PRRC2C: variants seen among roughly 807,000 people sequenced by gnomAD.
PRRC2C encodes the protein proline rich coiled-coil 2C.
Under a neutral mutation model 317.2 loss-of-function variants are expected in PRRC2C, and 72 were observed. That is an observed-to-expected ratio of 0.23 (90% confidence interval 0.19 to 0.28). The LOEUF is 0.28. Ranked by LOEUF, PRRC2C falls within the 10% of genes least tolerant of loss-of-function variation. PRRC2C has a pLI of 1.00. For synonymous variants in PRRC2C, 1,296 were observed against 1,205.9 expected (o/e 1.07, Z -1.55); for missense variants, 3,074 against 3,459.7 (o/e 0.89, Z 2.80).
chr1:171,495,709 G>A (rs1172815659), intron 1 of PRRC2C, among the ~76,000 whole-genome samples: 1 of 152,202 alleles, frequency 6.6e-6, no homozygotes, highest in Non-Finnish European at 1.5e-5. Context: ...AACTAGGAGT[G>A]TGGTGAATAT....
intron 6 of PRRC2C, among the ~76,000 whole-genome samples, chr1:171,520,797 C>CTTT (rs61220175): frequency 0.021 from 2,306 of 109,252 alleles, 45 homozygotes; most frequent in South Asian, 0.028. Flanking sequence ...ATTTCTTCTC[C>CTTT]TTTTTTTTTT....
chr1:171,541,434 C>G lies in PRRC2C; in HGVS notation c.3968C>G (p.Pro1323Arg). The stretch of plus-strand genomic sequence containing the variant: ...ATAGATAATAGACTGCTAGAAAAGC[C>G]TTATGTAAGGGATGACGATAAAGCT... ...VRIDNRLLEK[P>R]YVRDDDKAKP... The change falls in exon 16 of 35, where the codon CCT becomes CGT. Residue 1323 changes from proline (P) to arginine (R), a missense_variant. Pro to Arg is a moderately radical substitution (Grantham distance 103). Coordinates refer to ENST00000647382, the MANE Select transcript of PRRC2C (RefSeq NM_001387844.1). This position sits in a 1 kb window ranked among gnomAD's most constrained non-coding sequence, Gnocchi z 4.1. 1 of 1,613,910 alleles carries G rather than the reference C, an allele frequency of 6.2e-7. No individual in the cohort carries two copies. The highest frequency in any genetic ancestry group is 8.5e-7 in the Non-Finnish European group (1 of 1,179,846).
chr1:171,560,787 T>G (rs1293730021), intron 19 of PRRC2C, among the ~76,000 whole-genome samples: 1 of 152,208 alleles, frequency 6.6e-6, no homozygotes, highest in Admixed American at 6.5e-5. Flanking sequence ...GTGATTTGCT[T>G]TATTGCAATA....
chr1:171,563,864 A>G (rs887324135), intron 20 of PRRC2C, among the ~76,000 whole-genome samples: 2 of 152,214 alleles, frequency 1.3e-5, no homozygotes, highest in Non-Finnish European at 2.9e-5. Flanking sequence ...TGCTGGTATG[A>G]AGGAAAGAGT....
chr1:171,591,882 G>GAGCCCCCCCC lies in PRRC2C; in HGVS notation c.*35_*36insAGCCCCCCCC. Reference sequence around the variant, plus strand: ...TTTATTGCAGGGGATTGGGAGGGGGGCGGGAAAACATGGAGAATTAAGTCA... The same window carrying GAGCCCCCCCC: ...TTTATTGCAGGGGATTGGGAGGGGGGAGCCCCCCCCCGGGAAAACATGGAGAATTAAGTCA... On this transcript the variant is annotated 3_prime_UTR_variant, in exon 35 of 35. Coordinates refer to ENST00000647382, the MANE Select transcript of PRRC2C (RefSeq NM_001387844.1). 1 of 536,448 alleles carries GAGCCCCCCCC rather than the reference G, an allele frequency of 1.9e-6. No homozygotes were observed. Among genetic ancestry groups the GAGCCCCCCCC allele is most frequent in the Non-Finnish European group, 3.3e-6 (1 of 305,156 alleles). The allele number at this position is 536,448 out of a possible 1,614,324, so 33.2% of individuals were successfully genotyped here.
intron 1 of PRRC2C, among the ~76,000 whole-genome samples, chr1:171,505,913 CA>C (rs1398241220): frequency 6.6e-6 from 1 of 152,194 alleles, no homozygotes; most frequent in Non-Finnish European, 1.5e-5. Flanking sequence ...TTTCGATATA[CA>C]AATATTTCAG....
intron 1 of PRRC2C, among the ~76,000 whole-genome samples, chr1:171,495,421 C>T (rs1667932197): frequency 6.6e-6 from 1 of 152,132 alleles, no homozygotes; most frequent in South Asian, 2.1e-4. Context: ...TTTCATATGC[C>T]ATGTTTACTT....
chr1:171,486,497 TGATAGAGTCTTCCTTCCTTTGCATGA>T (rs1666138829), intron 1 of PRRC2C, among the ~76,000 whole-genome samples: 1 of 152,078 alleles, frequency 6.6e-6, no homozygotes, highest in Non-Finnish European at 1.5e-5. Flanking sequence ...ATAGAGACAT[TGATAGAGTCTTCCTTCCTTTGCATGA>T]GAGGAGTACC....
chr1:171,559,004 A>ACC (rs1023146123), intron 19 of PRRC2C, among the ~76,000 whole-genome samples: 9 of 152,160 alleles, frequency 5.9e-5, no homozygotes, highest in African/African-American at 2.2e-4. Context: ...CATTCCCTTA[A>ACC]CCCAAAGCCT....
rs753105790 is a variant in PRRC2C at position 171,517,698 on chromosome 1, C to G, written c.634C>G (p.Gln212Glu). 17 of 1,613,426 alleles carry G rather than the reference C, an allele frequency of 1.1e-5. No homozygotes were observed. In the South Asian group the frequency reaches 1.6e-4, roughly 16 times the overall value. Residue 212 changes from glutamine to glutamate, a missense_variant, in exon 6 of 35, where the codon CAA becomes GAA. Physicochemically the swap from Gln to Glu is conservative, Grantham distance 29. Coordinates refer to ENST00000647382, the MANE Select transcript of PRRC2C (RefSeq NM_001387844.1). ...TGAAAGCACAGCTGGAACATCAGAG[C>G]AAAATGATATCCTCAAAGTGGTGGA... The part of the protein sequence containing the change: ...QDESTAGTSE[Q>E]NDILKVVEKR...
At chr1:171,539,923 G>A in intron 15 of PRRC2C, 48 bp from the exon 16 acceptor site, 2 of 1,466,002 alleles carry the variant, frequency 1.4e-6, no homozygotes, top group Non-Finnish European at 1.9e-6. Flanking sequence ...ACTTACGCAT[G>A]GGAAAGATTG....
At position 171,540,443 on chromosome 1, in the gene PRRC2C, A is replaced by G. The variant is rs781160671; in HGVS notation, c.2977A>G (p.Thr993Ala). ...AAAAGTATATAAATCTAAATCAGAA[A>G]CTCGTTGGGGCCCACGACCAAGCTC... ...PEKVYKSKSETRWGPRPSSNR... is the reference protein window; with the variant it reads ...PEKVYKSKSEARWGPRPSSNR... Residue 993 changes from threonine (T) to alanine (A), a missense_variant, in exon 16 of 35, where the codon ACT becomes GCT. Thr to Ala is a moderately conservative substitution (Grantham distance 58). Coordinates refer to ENST00000647382, the MANE Select transcript of PRRC2C (RefSeq NM_001387844.1). The G allele has an allele frequency of 4.3e-6, 7 of 1,612,866 alleles. No homozygotes were observed. Among genetic ancestry groups the G allele is most frequent in the Non-Finnish European group, 5.9e-6 (7 of 1,179,430 alleles).
At chr1:171,567,804 A>C (rs1683964643) in intron 22 of PRRC2C, among the ~76,000 whole-genome samples, 1 of 152,212 alleles carries the variant, frequency 6.6e-6, no homozygotes, top group South Asian at 2.1e-4. Context: ...TTCCATTGTT[A>C]GTTGATTGAG....
rs61814662 is a variant in PRRC2C at position 171,526,398 on chromosome 1, C to T, written c.1201-1393C>T. Reference sequence around the variant, plus strand: ...TTTCACCCAGGCTGGAATGGAGTTGCGCGATCTTGGCTCACTGCAACCTCC... The same window carrying T: ...TTTCACCCAGGCTGGAATGGAGTTGTGCGATCTTGGCTCACTGCAACCTCC... On this transcript the variant is annotated intron_variant, in intron 10 of 34. Transcript: ENST00000647382. 3.4e-3 allele frequency among the ~76,000 whole-genome samples: 518 copies of T among 152,292 alleles called. 4 individuals carry two copies. Among genetic ancestry groups the T allele is most frequent in the South Asian group, 0.027 (131 of 4,822 alleles).
intron 11 of PRRC2C, among the ~76,000 whole-genome samples, chr1:171,528,127 C>A (rs1476976898): frequency 6.6e-6 from 1 of 151,924 alleles, no homozygotes; most frequent in East Asian, 1.9e-4. Flanking sequence ...GCTAAGGACA[C>A]TTTTTTACTT....
chr1:171,555,001 G>A (rs1681074240), intron 18 of PRRC2C, among the ~76,000 whole-genome samples: 1 of 152,184 alleles, frequency 6.6e-6, no homozygotes, highest in Non-Finnish European at 1.5e-5. Flanking sequence ...GAATTTGAAT[G>A]TTAGCCTGCC....
Position 171,593,029 on chromosome 1 carries a change from C to A in PRRC2C, c.*1182C>A, listed in dbSNP as rs931270841. ...TAATGATGTTATTCTAGAATGTTTT[C>A]TTTCCAGATGATGATTCAGAAGCTA... On this transcript the variant is annotated 3_prime_UTR_variant, in exon 35 of 35. Transcript: ENST00000647382. 8.6e-5 allele frequency: 13 copies of A among 152,006 alleles called. 1 individual carries two copies. Among genetic ancestry groups the A allele is most frequent in the Admixed American group, 1.3e-4 (2 of 15,276 alleles). The allele number at this position is 152,006 out of a possible 1,614,324, so 9.4% of individuals were successfully genotyped here.
In PRRC2C at chr1:171,540,653, C is replaced by G; in HGVS notation, c.3187C>G (p.Pro1063Ala). Residue 1063 changes from proline to alanine, a missense_variant, in exon 16 of 35, where the codon CCC becomes GCC. This residue lies in a region of PRRC2C where 1,320 missense variants were observed against 1,395.7 expected (regional missense o/e 0.95). Coordinates refer to ENST00000647382, the MANE Select transcript of PRRC2C (RefSeq NM_001387844.1). ...GACGGAAAAGAAGGATCTTCCTCCTCCCCCACCACCACCTCAGCCACCAGC... is the reference window on the plus strand; with the variant it reads ...GACGGAAAAGAAGGATCTTCCTCCTGCCCCACCACCACCTCAGCCACCAGC... ...EKTEKKDLPP[P>A]PPPPQPPAPI... The G allele has an allele frequency of 6.2e-7, 1 of 1,613,930 alleles. No individual in the cohort carries two copies. Among genetic ancestry groups the G allele is most frequent in the Non-Finnish European group, 8.5e-7 (1 of 1,179,872 alleles).
intron 28 of PRRC2C, among the ~76,000 whole-genome samples, chr1:171,582,165 G>C (rs1308147006): frequency 3.3e-5 from 5 of 152,136 alleles, no homozygotes; most frequent in Non-Finnish European, 7.4e-5. Context: ...AAGAAAAGTT[G>C]GGGCTATTGG....
Sources: gnomAD v4.1 joint callset for allele counts (sites outside exome capture counted in the v4.1 genomes callset) on GRCh38, gnomAD v4.1.1 for gene constraint, gnomAD v4.1.1 regional missense constraint, Gnocchi (gnomAD v3.1) non-coding constraint, MANE v1.5 for transcripts, NCBI Gene and HGNC (gene_info 2026-07-23, HGNC 2026-07-21) for gene names.